The following C8orf34 variants were observed in gnomAD, a reference collection of about 807,000 sequenced individuals.
The protein encoded by C8orf34 is chromosome 8 open reading frame 34.
C8orf34 carries 65 observed loss-of-function variants against 68.3 expected under a neutral mutation model. That is an observed-to-expected ratio of 0.95 (90% confidence interval 0.78 to 1.17). The LOEUF (loss-of-function observed/expected upper bound fraction) is 1.17, where lower values mean the gene tolerates loss of function less well. Ranked by LOEUF, C8orf34 falls within the 50% of genes most tolerant of loss-of-function variation. The pLI is 0.00. For missense variants in C8orf34, 664 were observed against 655.4 expected (o/e 1.01, Z -0.14); for synonymous variants, 244 against 241.2 (o/e 1.01, Z -0.11).
At position 68,554,660 on chromosome 8, in the gene C8orf34, A is replaced by C. The variant is rs1748358354; in HGVS notation, c.1105+21511A>C. On this transcript the variant is annotated intron_variant, in intron 7 of 13. Transcript: ENST00000518698. Reference sequence around the variant, plus strand: ...TAGTAAGTGTTTTATATGCATTATCACATTTAATTTTCATAATAACCCTAT... The same window carrying C: ...TAGTAAGTGTTTTATATGCATTATCCCATTTAATTTTCATAATAACCCTAT... Among the ~76,000 whole-genome samples, 3 of 152,132 alleles carry C rather than the reference A, an allele frequency of 2.0e-5. No homozygotes were observed. In the South Asian group the frequency reaches 6.2e-4, roughly 31 times the overall value.
intron 5 of C8orf34, among the ~76,000 whole-genome samples, chr8:68,510,953 G>A (rs1814244782): frequency 6.6e-6 from 1 of 152,102 alleles, no homozygotes; most frequent in Non-Finnish European, 1.5e-5. Context: ...CCCTGTACAG[G>A]GACTGCATAG....
intron 10 of C8orf34, among the ~76,000 whole-genome samples, chr8:68,749,440 C>T (rs1050284393): frequency 2.6e-5 from 4 of 151,794 alleles, no homozygotes; most frequent in Non-Finnish European, 5.9e-5. Context: ...ATAGAAAGCA[C>T]AAAATAAAAG....
At chr8:68,744,125 C>A (rs1435807165) in intron 10 of C8orf34, among the ~76,000 whole-genome samples, 1 of 152,170 alleles carries the variant, frequency 6.6e-6, no homozygotes, top group African/African-American at 2.4e-5. Flanking sequence ...CAGGGGCAGA[C>A]TGACACCTCA....
At chr8:68,728,341 C>G (rs553070530) in intron 10 of C8orf34, among the ~76,000 whole-genome samples, 2 of 152,348 alleles carry the variant, frequency 1.3e-5, no homozygotes, top group South Asian at 4.1e-4. Context: ...CAAAGCCATT[C>G]AACAAGTGTC....
At chr8:68,353,088 G>T (rs573500004) in intron 1 of C8orf34, among the ~76,000 whole-genome samples, 1 of 152,058 alleles carries the variant, frequency 6.6e-6, no homozygotes, top group Non-Finnish European at 1.5e-5. Context: ...TTAAAATAGA[G>T]TAGGGAAACC....
intron 8 of C8orf34, among the ~76,000 whole-genome samples, chr8:68,652,998 TACTTA>T (rs1390014218): frequency 1.3e-5 from 2 of 152,238 alleles, no homozygotes; most frequent in African/African-American, 2.4e-5. Flanking sequence ...GTTGTGTTCC[TACTTA>T]ACTTCTTGGT....
At position 68,533,169 on chromosome 8, in the gene C8orf34, A is replaced by T. The variant is rs1240062299; in HGVS notation, c.1105+20A>T. The stretch of plus-strand genomic sequence containing the variant: ...TGCTGGGTAATTTTAAAAATTAATA[A>T]TTTCTCATTTTCTTCTTTGACATTG... On this transcript the variant is annotated intron_variant, in intron 7 of 13. Transcript: ENST00000518698. The T allele has an allele frequency of 7.1e-6, 11 of 1,548,874 alleles. No individual in the cohort carries two copies. The highest frequency in any genetic ancestry group is 9.5e-6 in the Non-Finnish European group (11 of 1,152,454).
intron 8 of C8orf34, among the ~76,000 whole-genome samples, chr8:68,667,545 G>T (rs544646406): frequency 1.3e-5 from 2 of 152,228 alleles, no homozygotes; most frequent in East Asian, 1.9e-4. Flanking sequence ...CCTGTGCAAG[G>T]ATCTGTGGTG....
chr8:68,378,782 A>C (rs1164176634), intron 1 of C8orf34, among the ~76,000 whole-genome samples: 2 of 152,214 alleles, frequency 1.3e-5, no homozygotes, highest in Non-Finnish European at 2.9e-5. Flanking sequence ...TGTAAGCCTG[A>C]GCATCTTGAA....
intron 7 of C8orf34, among the ~76,000 whole-genome samples, chr8:68,606,977 T>C (rs1259001958): frequency 6.6e-6 from 1 of 152,144 alleles, no homozygotes; most frequent in Non-Finnish European, 1.5e-5. Context: ...TGTTGCACAG[T>C]GATATCTCTC....
intron 9 of C8orf34, among the ~76,000 whole-genome samples, chr8:68,712,136 T>C (rs1325885391): frequency 6.6e-6 from 1 of 152,166 alleles, no homozygotes; most frequent in African/African-American, 2.4e-5. Context: ...AAATAAATGC[T>C]GAAAGAATGT....
chr8:68,394,107 C>CT (rs1184237103), intron 1 of C8orf34, among the ~76,000 whole-genome samples: 29 of 151,580 alleles, frequency 1.9e-4, no homozygotes, highest in Non-Finnish European at 5.9e-5. Flanking sequence ...TATTATTATA[C>CT]TTTAAGTTTT....
rs545324605 is a variant in C8orf34 at position 68,677,229 on chromosome 8, A to G, written c.1242-31765A>G. On this transcript the variant is annotated intron_variant, in intron 8 of 13. Transcript: ENST00000518698. ...AAAATTGAAAAATGTCTTGAAAGAA[A>G]TGATAATGGAAACACACATACCAGA... Among the ~76,000 whole-genome samples, 4 of 152,374 alleles carry G rather than the reference A, an allele frequency of 2.6e-5. No individual in the cohort carries two copies. In the South Asian group the frequency reaches 8.3e-4, roughly 32 times the overall value.
rs1355356824 is a variant in C8orf34, at chr8:68,401,000, G to C, written c.328-38499G>C. 2.6e-5 allele frequency among the ~76,000 whole-genome samples: 4 copies of C among 152,040 alleles called. No homozygotes were observed. The East Asian group carries it at 7.7e-4, about 29-fold the overall frequency. On this transcript the variant is annotated intron_variant, in intron 1 of 13. Transcript: ENST00000518698. ...CATTTCAATGATATTGATTCTTTTGGTCCATGAGCATAGGTTGTTTTTCCA... is the reference window on the plus strand; with the variant it reads ...CATTTCAATGATATTGATTCTTTTGCTCCATGAGCATAGGTTGTTTTTCCA...
At chr8:68,645,023 A>T (rs1191453323) in intron 8 of C8orf34, among the ~76,000 whole-genome samples, 1 of 152,238 alleles carries the variant, frequency 6.6e-6, no homozygotes, top group African/African-American at 2.4e-5. Context: ...TGTGGTGCAG[A>T]TGAGTAAGAC....
chr8:68,736,226 A>C (rs1392919419), intron 10 of C8orf34, among the ~76,000 whole-genome samples: 2 of 152,206 alleles, frequency 1.3e-5, no homozygotes, highest in East Asian at 3.8e-4. Context: ...TCAGTAAAAT[A>C]GACTGTAGCA....
chr8:68,623,491 C>G (rs1818447020), intron 7 of C8orf34, among the ~76,000 whole-genome samples: 1 of 152,136 alleles, frequency 6.6e-6, no homozygotes, highest in Non-Finnish European at 1.5e-5. Context: ...GGAAAAATCA[C>G]CCGTGGTTGA....
chr8:68,650,632 A>G (rs1819327833), intron 8 of C8orf34, among the ~76,000 whole-genome samples: 1 of 151,830 alleles, frequency 6.6e-6, no homozygotes, highest in African/African-American at 2.4e-5. Context: ...GGCGCCCGCC[A>G]CCACGCCCGG....
intron 10 of C8orf34, among the ~76,000 whole-genome samples, chr8:68,749,397 AAGAC>A (rs1388786144): frequency 2.0e-5 from 3 of 152,210 alleles, no homozygotes; most frequent in Non-Finnish European, 2.9e-5. Flanking sequence ...TAATAAAAAA[AAGAC>A]AGAAAGAAAC....
Sources: allele counts gnomAD v4.1 joint callset (sites outside exome capture counted in the v4.1 genomes callset), GRCh38; gene constraint gnomAD v4.1.1; transcripts MANE v1.5; gene names NCBI Gene and HGNC (gene_info 2026-07-23, HGNC 2026-07-21).